PARP12: variants seen among roughly 807,000 people sequenced by gnomAD.
The protein encoded by PARP12 is protein mono-ADP-ribosyltransferase PARP12.
PARP12 carries 59 observed loss-of-function variants against 72.4 expected under a neutral mutation model. The observed-to-expected ratio is 0.81, with a 90% CI of 0.66 to 1.01. PARP12 has a LOEUF of 1.01. Among genes scored for constraint, PARP12 ranks in the 50% least tolerant of loss-of-function variants. The pLI is 0.00. For missense variants in PARP12, 851 were observed against 914.0 expected (o/e 0.93, Z 0.89); for synonymous variants, 403 against 371.4 (o/e 1.09, Z -0.98).
chr7:140,050,413 AGCCCCC>A (rs1816914920), intron 4 of PARP12, among the ~76,000 whole-genome samples: 1 of 152,184 alleles, frequency 6.6e-6, no homozygotes, highest in Admixed American at 6.5e-5. Context: ...CGGCCACCAA[AGCCCCC>A]GTCCCAGTCC....
At chr7:140,045,324 C>T (rs1816671965) in intron 5 of PARP12, among the ~76,000 whole-genome samples, 2 of 152,296 alleles carry the variant, frequency 1.3e-5, no homozygotes, top group African/African-American at 4.8e-5. Context: ...TGAGCTGCTG[C>T]GCTCGACCCA....
chr7:140,027,147 A>C, intron 10 of PARP12, 129 bp downstream of exon 10: 8 of 1,289,238 alleles, frequency 6.2e-6, no homozygotes, highest in Non-Finnish European at 7.6e-6. Context: ...GAGCAGACAC[A>C]CAGCTCCCAG....
chr7:140,040,076 G>A (rs536171528), intron 6 of PARP12, among the ~76,000 whole-genome samples: 3 of 152,226 alleles, frequency 2.0e-5, no homozygotes, highest in Non-Finnish European at 2.9e-5. Flanking sequence ...AGCAACCAGC[G>A]GTCTCCTCCG....
At chr7:140,034,211 AC>A (rs753187260) in intron 8 of PARP12, 23 bp downstream of exon 8, 6 of 1,608,018 alleles carry the variant, frequency 3.7e-6, no homozygotes, top group Non-Finnish European at 5.1e-6. Context: ...CATCCTAAGT[AC>A]CAAGCCCCCC....
chr7:140,038,840 T>C (rs947694508), intron 6 of PARP12, among the ~76,000 whole-genome samples: 1 of 152,168 alleles, frequency 6.6e-6, no homozygotes, highest in Non-Finnish European at 1.5e-5. Context: ...CCCATGCCTC[T>C]GCGCAACTGA....
chr7:140,050,648 C>T lies in PARP12; in HGVS notation c.863-3641G>A, dbSNP rs539155614. On this transcript the variant is annotated intron_variant, in intron 4 of 11. Transcript: ENST00000263549. ...AGCAACTCACACAGAAACAGCGATA[C>T]CTAAGGACAGAATGATCAGAGTTAA... 2.6e-5 allele frequency among the ~76,000 whole-genome samples: 4 copies of T among 152,244 alleles called. No individual in the cohort carries two copies. The South Asian group carries it at 8.3e-4, about 32-fold the overall frequency.
chr7:140,046,798 C>A, intron 5 of PARP12, 86 bp downstream of exon 5: 1 of 778,042 alleles, frequency 1.3e-6, no homozygotes, highest in Non-Finnish European at 1.7e-6. Flanking sequence ...AGGCTGCTCA[C>A]AGTGTGTGTG....
At chr7:140,048,969 C>T (rs1816846674) in intron 4 of PARP12, among the ~76,000 whole-genome samples, 1 of 152,134 alleles carries the variant, frequency 6.6e-6, no homozygotes, top group African/African-American at 2.4e-5. Context: ...GTCCTTTGTA[C>T]ATTTTTAATT....
At chr7:140,058,862 A>AG (rs371967243) in intron 1 of PARP12, among the ~76,000 whole-genome samples, 2 of 152,298 alleles carry the variant, frequency 1.3e-5, no homozygotes, top group African/African-American at 4.8e-5. Context: ...CTAGGAGGCC[A>AG]GGGTGGATGG....
intron 6 of PARP12, among the ~76,000 whole-genome samples, chr7:140,039,841 G>A (rs778340871): frequency 6.6e-6 from 1 of 152,146 alleles, no homozygotes; most frequent in Admixed American, 6.5e-5. Flanking sequence ...CTAGCACGTG[G>A]CATATCAATA....
At chr7:140,030,394 T>A (rs1381527710) in intron 8 of PARP12, among the ~76,000 whole-genome samples, 4 of 152,080 alleles carry the variant, frequency 2.6e-5, no homozygotes, top group Non-Finnish European at 5.9e-5. Context: ...GATCAGGAGT[T>A]CAAGACCAGC....
chr7:140,051,429 C>T (rs1047101122), intron 4 of PARP12, among the ~76,000 whole-genome samples: 2 of 150,868 alleles, frequency 1.3e-5, no homozygotes, highest in Admixed American at 6.6e-5. Flanking sequence ...TTCACTCTGT[C>T]GCCCAGGCTG....
chr7:140,043,466 T>C (rs1460985514), intron 5 of PARP12, among the ~76,000 whole-genome samples: 1 of 152,202 alleles, frequency 6.6e-6, no homozygotes, highest in Non-Finnish European at 1.5e-5. Flanking sequence ...CTATTCATTA[T>C]TCTTTTCTTT....
chr7:140,028,704 CA>C lies in PARP12; in HGVS notation c.1422-17del. 1 of 1,582,410 alleles carries C rather than the reference CA, an allele frequency of 6.3e-7. No homozygotes were observed. The highest frequency in any genetic ancestry group is 8.6e-7 in the Non-Finnish European group (1 of 1,160,578). On this transcript the variant is annotated splice_polypyrimidine_tract_variant and intron_variant, in intron 8 of 11. Transcript: ENST00000263549. ...CTTGGTATTGCTACAAAAATGTAAA[CA>C]AAAACACGTAGACATTTTATTCTTA...
intron 6 of PARP12, among the ~76,000 whole-genome samples, chr7:140,039,640 C>G (rs1816373352): frequency 6.6e-6 from 1 of 152,024 alleles, no homozygotes. Context: ...TGAGCTCAGA[C>G]AGAAAAAACT....
intron 4 of PARP12, among the ~76,000 whole-genome samples, chr7:140,052,399 C>A (rs538504748): frequency 7.2e-5 from 11 of 152,254 alleles, no homozygotes; most frequent in African/African-American, 2.6e-4. Flanking sequence ...TCTCTCATCC[C>A]TTCTTAAAAT....
chr7:140,054,557 G>A (rs564605450), intron 4 of PARP12, 105 bp downstream of exon 4: 44 of 926,362 alleles, frequency 4.7e-5, no homozygotes, highest in Middle Eastern at 2.2e-4. Flanking sequence ...GATCCTCTCC[G>A]GATGGGGTAG....
At position 140,057,951 on chromosome 7, in the gene PARP12, T is replaced by C. The variant is rs150827356; in HGVS notation, c.410A>G (p.Tyr137Cys). Residue 137 changes from tyrosine to cysteine, a missense_variant, in exon 2 of 12, where the codon TAT becomes TGT. By Grantham distance (194) the Tyr-to-Cys change is radical. Transcript: ENST00000263549. ...LRTHGVDHLS[Y>C]NELCQLLFQN... ...AAACAAGAGTTGGCATAGCTCATTA[T>C]AGCTCAGGTGGTCAACGCCATGAGT... 260 of 1,614,262 alleles carry C rather than the reference T, an allele frequency of 1.6e-4. 1 individual carries two copies. The African/African-American group carries it at 2.9e-3, about 18-fold the overall frequency.
At chr7:140,049,843 T>C (rs1816891159) in intron 4 of PARP12, among the ~76,000 whole-genome samples, 1 of 152,112 alleles carries the variant, frequency 6.6e-6, no homozygotes, top group South Asian at 2.1e-4. Context: ...AGACATAAGG[T>C]CCTTTCCCTT....
Sources: gnomAD v4.1 joint callset for allele counts (sites outside exome capture counted in the v4.1 genomes callset) on GRCh38, gnomAD v4.1.1 for gene constraint, MANE v1.5 for transcripts, NCBI Gene and HGNC (gene_info 2026-07-23, HGNC 2026-07-21) for gene names.